SHLD1: variants seen among roughly 807,000 people sequenced by gnomAD.
SHLD1 encodes RINN1-REV7-interacting novel NHEJ regulator 3.
Under a neutral mutation model 5.5 loss-of-function variants are expected in SHLD1, and 3 were observed. The ratio of observed to expected loss-of-function variants is 0.54; its 90% CI spans 0.25 to 1.40. SHLD1 has a LOEUF of 1.40. SHLD1 is among the 40% of genes most tolerant of loss of function. SHLD1 has a pLI of 0.15. For missense variants in SHLD1, 210 were observed against 244.4 expected (o/e 0.86, Z 0.94); for synonymous variants, 92 against 94.3 (o/e 0.98, Z 0.14).
intron 2 of SHLD1, among the ~76,000 whole-genome samples, chr20:5,846,968 A>C (rs2087939889): frequency 6.6e-6 from 1 of 152,226 alleles, no homozygotes; most frequent in Non-Finnish European, 1.5e-5. Context: ...GTAAGCCGGT[A>C]GTTCCTAAAT....
At chr20:5,777,182 T>G (rs1173103981) in intron 2 of SHLD1, among the ~76,000 whole-genome samples, 1 of 152,024 alleles carries the variant, frequency 6.6e-6, no homozygotes, top group Non-Finnish European at 1.5e-5. Flanking sequence ...AGAGATGAGG[T>G]TTCACCATGT....
intron 2 of SHLD1, among the ~76,000 whole-genome samples, chr20:5,823,561 C>G (rs916637369): frequency 2.0e-5 from 3 of 151,764 alleles, no homozygotes; most frequent in African/African-American, 7.3e-5. Context: ...AATTTTCCTG[C>G]CTCAGCCTTC....
intron 2 of SHLD1, among the ~76,000 whole-genome samples, chr20:5,805,115 C>A (rs990006966): frequency 6.6e-6 from 1 of 152,162 alleles, no homozygotes; most frequent in South Asian, 2.1e-4. Context: ...CAGTAACATT[C>A]TGTTTTCCCC....
At chr20:5,823,459 T>A (rs1004036567) in intron 2 of SHLD1, among the ~76,000 whole-genome samples, 3 of 151,598 alleles carry the variant, frequency 2.0e-5, no homozygotes, top group African/African-American at 7.3e-5. Context: ...TTTGTTTTTT[T>A]TTTTTTGAGA....
At chr20:5,851,267 C>G (rs1426716128) in intron 2 of SHLD1, among the ~76,000 whole-genome samples, 2 of 152,194 alleles carry the variant, frequency 1.3e-5, no homozygotes, top group Admixed American at 1.3e-4. Context: ...CAGAGGATCA[C>G]TTAAGCCCAG....
intron 2 of SHLD1, among the ~76,000 whole-genome samples, chr20:5,831,926 T>G (rs1317144024): frequency 6.6e-6 from 1 of 152,228 alleles, no homozygotes; most frequent in South Asian, 2.1e-4. Flanking sequence ...TCATGCTCTC[T>G]GCCCCGTGTT....
chr20:5,859,848 T>C (rs939023206), intron 2 of SHLD1, among the ~76,000 whole-genome samples: 7 of 152,242 alleles, frequency 4.6e-5, no homozygotes, highest in Admixed American at 1.3e-4. Context: ...ATGAAAAGTA[T>C]AGGAGACAGC....
At chr20:5,817,472 G>GTT (rs1205160292) in intron 2 of SHLD1, among the ~76,000 whole-genome samples, 1 of 141,510 alleles carries the variant, frequency 7.1e-6, no homozygotes. Context: ...GTGTGTGTGT[G>GTT]TTGGGATTAC....
intron 2 of SHLD1, among the ~76,000 whole-genome samples, chr20:5,812,316 A>G: frequency 6.6e-6 from 1 of 152,134 alleles, no homozygotes; most frequent in East Asian, 1.9e-4. Flanking sequence ...ATGGCCTAGC[A>G]TGAGTCCATA....
At chr20:5,805,048 T>C (rs948703611) in intron 2 of SHLD1, among the ~76,000 whole-genome samples, 3 of 152,228 alleles carry the variant, frequency 2.0e-5, no homozygotes, top group African/African-American at 7.2e-5. Context: ...AATACTATCT[T>C]GGCCTAGGAG....
At chr20:5,782,546 G>A (rs971018314) in intron 2 of SHLD1, among the ~76,000 whole-genome samples, 1 of 152,174 alleles carries the variant, frequency 6.6e-6, no homozygotes, top group Non-Finnish European at 1.5e-5. Context: ...GGGGAAATTG[G>A]TTGCATGTAG....
intron 1 of SHLD1, among the ~76,000 whole-genome samples, chr20:5,772,623 A>T (rs1424491666): frequency 6.6e-6 from 1 of 152,070 alleles, no homozygotes; most frequent in Non-Finnish European, 1.5e-5. Flanking sequence ...GACCTTTAAA[A>T]TTTTTTGGGT....
chr20:5,752,217 G>A (rs1983791266), intron 1 of SHLD1, among the ~76,000 whole-genome samples: 2 of 151,994 alleles, frequency 1.3e-5, no homozygotes, highest in Admixed American at 1.3e-4. Flanking sequence ...CCAACATGAT[G>A]AAACACCATC....
intron 1 of SHLD1, among the ~76,000 whole-genome samples, chr20:5,761,669 G>A (rs1984472586): frequency 6.7e-6 from 1 of 148,986 alleles, no homozygotes; most frequent in Admixed American, 6.7e-5. Context: ...GTGCAGTGGT[G>A]TGATATCGGC....
At chr20:5,831,714 C>T (rs1044176516) in intron 2 of SHLD1, among the ~76,000 whole-genome samples, 47 of 152,010 alleles carry the variant, frequency 3.1e-4, no homozygotes, top group African/African-American at 1.1e-3. Context: ...ATTTCAGTTG[C>T]CGAATCCCTT....
chr20:5,813,922 C>T (rs1399193798), intron 2 of SHLD1, among the ~76,000 whole-genome samples: 1 of 146,222 alleles, frequency 6.8e-6, no homozygotes, highest in Non-Finnish European at 1.5e-5. Flanking sequence ...CTGCTTTTCT[C>T]AAACACCTTT....
chr20:5,824,641 T>TGG (rs1325991088), intron 2 of SHLD1, among the ~76,000 whole-genome samples: 1 of 146,824 alleles, frequency 6.8e-6, no homozygotes, highest in African/African-American at 2.6e-5. Flanking sequence ...TTTTTTTTTT[T>TGG]GGGACAAACC....
At chr20:5,785,674 TAGTCTCA>T (rs2087049429) in intron 2 of SHLD1, among the ~76,000 whole-genome samples, 1 of 151,564 alleles carries the variant, frequency 6.6e-6, no homozygotes, top group African/African-American at 2.4e-5. Flanking sequence ...TACACGCCTG[TAGTCTCA>T]GCTACTCGGG....
intron 2 of SHLD1, among the ~76,000 whole-genome samples, chr20:5,807,211 T>C (rs1210778393): frequency 6.6e-6 from 1 of 152,232 alleles, no homozygotes; most frequent in Non-Finnish European, 1.5e-5. Context: ...CCTGAAAATG[T>C]AGTATAAATT....
Sources: allele counts gnomAD v4.1 joint callset (sites outside exome capture counted in the v4.1 genomes callset), GRCh38; gene constraint gnomAD v4.1.1; transcripts MANE v1.5; gene names NCBI Gene and HGNC (gene_info 2026-07-23, HGNC 2026-07-21).